Variants in GALNT13 observed in about 807,000 individuals in gnomAD.
GALNT13 encodes the protein UDP-GalNAc:polypeptide N-acetylgalactosaminyltransferase 13.
Under a neutral mutation model 64.2 loss-of-function variants are expected in GALNT13, and 28 were observed. The ratio of observed to expected loss-of-function variants is 0.44; its 90% confidence interval spans 0.32 to 0.60. GALNT13 has a LOEUF of 0.60. GALNT13 is among the 20% of genes least tolerant of loss of function. GALNT13 has a pLI of 0.05. For missense variants in GALNT13, 577 were observed against 669.8 expected, an observed-to-expected ratio of 0.86 and a Z score of 1.53; for synonymous variants, 214 against 224.6, an observed-to-expected ratio of 0.95 and a Z score of 0.42.
At chr2:153,444,055 A>T in the GALNT13 span, among the ~76,000 whole-genome samples, 23 of 152,252 alleles carry the variant, frequency 1.5e-4, no homozygotes, top group East Asian at 2.5e-3. Context: ...TAGTAATTTT[A>T]TCTATCATTT....
chr2:154,290,933 C>G (rs1029662053), intron 8 of GALNT13, among the ~76,000 whole-genome samples: 4 of 151,462 alleles, frequency 2.6e-5, no homozygotes, highest in Non-Finnish European at 1.5e-5. Flanking sequence ...AGCTGTTCGT[C>G]CCTCCCGGTG....
At chr2:153,380,847 TA>T in the GALNT13 span, among the ~76,000 whole-genome samples, 1 of 152,198 alleles carries the variant, frequency 6.6e-6, no homozygotes, top group African/African-American at 2.4e-5. Context: ...ATGTCAGGCT[TA>T]ATCCTGAATA....
At chr2:153,739,114 T>C in the GALNT13 span, among the ~76,000 whole-genome samples, 1 of 151,914 alleles carries the variant, frequency 6.6e-6, no homozygotes, top group African/African-American at 2.4e-5. Context: ...TATAACTAAC[T>C]GGACTCTAAT....
intron 1 of GALNT13, among the ~76,000 whole-genome samples, chr2:153,874,770 CAG>C (rs1241958685): frequency 1.3e-5 from 2 of 152,038 alleles, no homozygotes; most frequent in Non-Finnish European, 2.9e-5. Flanking sequence ...GATATTGAAA[CAG>C]GGGTCTTCTG....
At chr2:153,309,929 G>A in the GALNT13 span, among the ~76,000 whole-genome samples, 1 of 151,940 alleles carries the variant, frequency 6.6e-6, no homozygotes, top group African/African-American at 2.4e-5. Flanking sequence ...ATGGCCTCTA[G>A]GCTATCAAAA....
At chr2:153,260,219 A>T in the GALNT13 span, among the ~76,000 whole-genome samples, 1 of 152,188 alleles carries the variant, frequency 6.6e-6, no homozygotes, top group South Asian at 2.1e-4. Flanking sequence ...TAGTCTTTCT[A>T]CTTAAGATAT....
At chr2:154,252,457 C>T (rs959603693) in intron 7 of GALNT13, among the ~76,000 whole-genome samples, 2 of 151,446 alleles carry the variant, frequency 1.3e-5, no homozygotes, top group African/African-American at 2.4e-5. Context: ...CCCGGATTCA[C>T]GCCATTCCCC....
At chr2:154,150,054 C>G (rs200483776) in intron 4 of GALNT13, among the ~76,000 whole-genome samples, 13,620 of 152,012 alleles carry the variant, frequency 0.09, 694 homozygotes, top group Middle Eastern at 0.14. Context: ...GTATGATATT[C>G]GCTGTGGGTT....
chr2:153,195,547 G>C, the GALNT13 span, among the ~76,000 whole-genome samples: 2 of 152,232 alleles, frequency 1.3e-5, no homozygotes, highest in African/African-American at 4.8e-5. Context: ...ACCAGTGAAT[G>C]AGGTGGCACC....
the GALNT13 span, among the ~76,000 whole-genome samples, chr2:153,436,572 C>A: frequency 2.0e-5 from 3 of 152,116 alleles, no homozygotes; most frequent in African/African-American, 2.4e-5. Context: ...TGTATGTGTA[C>A]AGGAATTTAT....
At chr2:153,126,245 T>C in the GALNT13 span, among the ~76,000 whole-genome samples, 1 of 148,936 alleles carries the variant, frequency 6.7e-6, no homozygotes, top group African/African-American at 2.5e-5. Flanking sequence ...AGAATTGTAT[T>C]TGTACTATTT....
At chr2:153,871,429 C>T (rs80185628), upstream of GALNT13, among the ~76,000 whole-genome samples, 13,705 of 152,204 alleles carry the variant, frequency 0.09, 728 homozygotes, top group African/African-American at 0.12. Context: ...GCGTCAAGTA[C>T]CCCGCAGCAT....
chr2:154,111,868 A>G lies in GALNT13; in HGVS notation c.143-28469A>G, dbSNP rs141312669. 7.0e-3 allele frequency among the ~76,000 whole-genome samples: 1,066 copies of G among 152,298 alleles called. 11 individuals carry two copies. The highest frequency in any genetic ancestry group is 0.024 in the African/African-American group (983 of 41,554). On this transcript the variant is annotated intron_variant, in intron 3 of 12. Coordinates refer to ENST00000392825, the MANE Select transcript of GALNT13 (RefSeq NM_052917.4). Reference sequence around the variant, plus strand: ...CTATAAATCCAGGTGCTTCAGGATGATGGGAAACATGGTAAGACCAGTGAA... The same window carrying G: ...CTATAAATCCAGGTGCTTCAGGATGGTGGGAAACATGGTAAGACCAGTGAA...
chr2:154,405,589 A>AAG lies in GALNT13; in HGVS notation c.1297-3394_1297-3393insGA, dbSNP rs1291308609. Among the ~76,000 whole-genome samples, 13 of 151,286 alleles carry AAG rather than the reference A, an allele frequency of 8.6e-5. No homozygotes were observed. The East Asian group carries it at 2.3e-3, about 27-fold the overall frequency. ...TGATGTAACCCCATCTCTTCTAAAA[A>AAG]AAAAAAAAAAAAAATTTGACCAGGT... On this transcript the variant is annotated intron_variant, in intron 10 of 12. Coordinates refer to ENST00000392825, the MANE Select transcript of GALNT13 (RefSeq NM_052917.4).
At chr2:153,690,185 A>G in the GALNT13 span, among the ~76,000 whole-genome samples, 2 of 152,112 alleles carry the variant, frequency 1.3e-5, no homozygotes, top group African/African-American at 2.4e-5. Flanking sequence ...AAATTTTCAC[A>G]TAGTTCCTGA....
chr2:153,596,563 G>T, the GALNT13 span, among the ~76,000 whole-genome samples: 1 of 151,922 alleles, frequency 6.6e-6, no homozygotes, highest in Admixed American at 6.6e-5. Flanking sequence ...TCCTTAGATA[G>T]GAAAATTATT....
At chr2:153,578,281 T>C in the GALNT13 span, among the ~76,000 whole-genome samples, 123 of 152,330 alleles carry the variant, frequency 8.1e-4, no homozygotes, top group Non-Finnish European at 1.3e-3. Context: ...AAATAGCATA[T>C]ATAAAATGAA....
At chr2:154,082,817 T>G (rs4524082) in intron 3 of GALNT13, among the ~76,000 whole-genome samples, 7,094 of 152,086 alleles carry the variant, frequency 0.047, 220 homozygotes, top group South Asian at 0.11. Context: ...ACTAGCCCTT[T>G]GTTAGATGGA....
At chr2:153,426,189 C>T in the GALNT13 span, among the ~76,000 whole-genome samples, 1 of 151,918 alleles carries the variant, frequency 6.6e-6, no homozygotes, top group African/African-American at 2.4e-5. Flanking sequence ...TGCCATTAAT[C>T]AGCATTGGAG....
Sources: gnomAD v4.1 joint callset for allele counts (sites outside exome capture counted in the v4.1 genomes callset) on GRCh38, gnomAD v4.1.1 for gene constraint, MANE v1.5 for transcripts, NCBI Gene and HGNC (gene_info 2026-07-23, HGNC 2026-07-21) for gene names.